NINL: variants seen among roughly 807,000 people sequenced by gnomAD.
NINL encodes the protein ninein-like protein.
In NINL, 153 loss-of-function variants were observed where a neutral mutation model predicts 160.3. That is an observed-to-expected ratio of 0.95 (90% CI 0.84 to 1.09). The LOEUF is 1.09. Ranked by LOEUF, NINL falls within the 50% of genes least tolerant of loss-of-function variation. NINL has a pLI of 0.00. For missense variants in NINL, 1,829 were observed against 1,764.0 expected, an observed-to-expected ratio of 1.04 and a Z score of -0.66; for synonymous variants, 800 against 734.8, an observed-to-expected ratio of 1.09 and a Z score of -1.43.
In NINL at chr20:25,504,803, G is replaced by C. The variant is rs1371990924; in HGVS notation, c.708+85C>G. ...AAGTGATGCACCTACATGAGTGGCT[G>C]AAGGGTAGAGGGGTTTCCAGACCCA... is the stretch of plus-strand genomic sequence containing the variant. On this transcript the variant is annotated intron_variant, in intron 6 of 23. Transcript: ENST00000278886. 7.2e-6 allele frequency: 10 copies of C among 1,395,160 alleles called. No individual in the cohort carries two copies. The Admixed American group carries it at 1.8e-4, about 25-fold the overall frequency. The allele number at this position is 1,395,160 out of a possible 1,614,324, so 86.4% of individuals were successfully genotyped here. A position where few individuals can be genotyped will look rare whatever the true frequency, so the allele number is the denominator to read the frequency against.
intron 13 of NINL, among the ~76,000 whole-genome samples, chr20:25,482,588 T>A (rs1055629432): frequency 8.6e-5 from 13 of 151,824 alleles, no homozygotes; most frequent in African/African-American, 2.9e-4. Flanking sequence ...TGGCCTCAAG[T>A]GATATACCCA....
At chr20:25,538,823 C>A (rs565049532) in intron 1 of NINL, among the ~76,000 whole-genome samples, 14 of 152,110 alleles carry the variant, frequency 9.2e-5, no homozygotes, top group African/African-American at 2.9e-4. Context: ...AAGCACAGAA[C>A]TGGGGAGCAC....
chr20:25,513,972 C>T (rs765142105), intron 3 of NINL, among the ~76,000 whole-genome samples: 5 of 152,160 alleles, frequency 3.3e-5, no homozygotes, highest in Non-Finnish European at 5.9e-5. Flanking sequence ...AGAAAATTGG[C>T]ACCAGGAGTG....
intron 1 of NINL, among the ~76,000 whole-genome samples, chr20:25,579,245 T>C (rs13040726): frequency 6.4e-4 from 98 of 152,008 alleles, no homozygotes; most frequent in African/African-American, 2.3e-3. Flanking sequence ...CATGTGACCC[T>C]GAGTATGTTA....
chr20:25,468,511 C>T (rs1404627804), intron 18 of NINL, among the ~76,000 whole-genome samples: 1 of 125,458 alleles, frequency 8.0e-6, no homozygotes, highest in African/African-American at 2.8e-5. Context: ...TCCCCCGACT[C>T]TCACTGGTTG....
At chr20:25,487,725 AT>A (rs1253537290) in intron 13 of NINL, among the ~76,000 whole-genome samples, 1 of 152,266 alleles carries the variant, frequency 6.6e-6, no homozygotes, top group African/African-American at 2.4e-5. Context: ...ACTTTTCTGT[AT>A]TGTTAATAAT....
In NINL at chr20:25,476,665, C is replaced by T; in HGVS notation, c.2626G>A (p.Gly876Arg). Residue 876 changes from glycine (G) to arginine (R), a missense_variant, in exon 17 of 24, where the codon GGG (glycine) becomes AGG (arginine). Gly to Arg is a moderately radical substitution (Grantham distance 125). Transcript: ENST00000278886. ...TCCTGGGCTTGCCTGCGGCGAGGCCCGGCTCCTGCCGCCTCCTCAGACTCT... is the reference window on the plus strand; with the variant it reads ...TCCTGGGCTTGCCTGCGGCGAGGCCTGGCTCCTGCCGCCTCCTCAGACTCT... ...GRESEEAAGA[G>R]PRRRQAQDTE... 1 of 1,586,726 alleles carries T rather than the reference C, an allele frequency of 6.3e-7. No homozygotes were observed.
At chr20:25,572,288 A>G (rs550275507) in intron 1 of NINL, among the ~76,000 whole-genome samples, 3 of 151,158 alleles carry the variant, frequency 2.0e-5, no homozygotes, top group Non-Finnish European at 3.0e-5. Context: ...GGTTGAGGGG[A>G]AAAAAAACGG....
chr20:25,464,661 T>C (rs755636988), intron 19 of NINL, among the ~76,000 whole-genome samples: 3 of 152,170 alleles, frequency 2.0e-5, no homozygotes, highest in Admixed American at 6.5e-5. Context: ...GCGGCTGCTG[T>C]GCAGCTACTG....
At chr20:25,458,195 G>C (rs897411689) in intron 22 of NINL, among the ~76,000 whole-genome samples, 188 bp downstream of exon 22, 1 of 152,208 alleles carries the variant, frequency 6.6e-6, no homozygotes, top group East Asian at 1.9e-4. Context: ...CCACCTGTGA[G>C]GCCTTGTCTG....
At chr20:25,545,769 T>G (rs952626771) in intron 1 of NINL, among the ~76,000 whole-genome samples, 19 of 152,214 alleles carry the variant, frequency 1.2e-4, no homozygotes, top group Non-Finnish European at 2.2e-4. Context: ...TGCCATATCT[T>G]GAAGTACTCC....
intron 10 of NINL, among the ~76,000 whole-genome samples, chr20:25,494,076 C>A (rs1174236848): frequency 1.3e-5 from 2 of 151,822 alleles, no homozygotes; most frequent in African/African-American, 4.8e-5. Flanking sequence ...TGCATGTACA[C>A]AGCACCCCCC....
At chr20:25,534,873 G>A (rs2064530054) in intron 1 of NINL, among the ~76,000 whole-genome samples, 1 of 152,132 alleles carries the variant, frequency 6.6e-6, no homozygotes. Context: ...TAATACCTAA[G>A]ACAAGGTAAA....
At chr20:25,489,676 T>C (rs956114287) in intron 12 of NINL, among the ~76,000 whole-genome samples, 199 bp downstream of exon 12, 2 of 152,146 alleles carry the variant, frequency 1.3e-5, no homozygotes, top group Non-Finnish European at 2.9e-5. Flanking sequence ...GCAGTTGTGC[T>C]GTGTGGGCAG....
intron 1 of NINL, among the ~76,000 whole-genome samples, chr20:25,574,908 T>C (rs1456488262): frequency 1.3e-5 from 2 of 152,090 alleles, no homozygotes; most frequent in African/African-American, 4.8e-5. Flanking sequence ...AAATTTGAGA[T>C]GCCACTAATT....
At chr20:25,510,422 T>C (rs1457221468) in intron 5 of NINL, among the ~76,000 whole-genome samples, 1 of 152,216 alleles carries the variant, frequency 6.6e-6, no homozygotes, top group Non-Finnish European at 1.5e-5. Context: ...CGAACCACGA[T>C]GCTCCCTCGG....
At chr20:25,545,480 C>T (rs1191867603) in intron 1 of NINL, among the ~76,000 whole-genome samples, 1 of 151,862 alleles carries the variant, frequency 6.6e-6, no homozygotes, top group Non-Finnish European at 1.5e-5. Context: ...TCTGAGCCCC[C>T]CCCCATTATC....
intron 1 of NINL, among the ~76,000 whole-genome samples, chr20:25,580,104 G>A (rs1250017096): frequency 1.3e-5 from 2 of 152,100 alleles, no homozygotes; most frequent in East Asian, 1.9e-4. Context: ...AGGCCGAGGC[G>A]GGTGGATCAC....
chr20:25,489,819 C>G (rs1031583556), intron 12 of NINL, 56 bp downstream of exon 12: 8 of 1,480,402 alleles, frequency 5.4e-6, no homozygotes, highest in Non-Finnish European at 7.6e-6. Flanking sequence ...CCGCCACCCC[C>G]ACTCTGCCCA....
Sources: gnomAD v4.1 joint callset for allele counts (sites outside exome capture counted in the v4.1 genomes callset) on GRCh38, gnomAD v4.1.1 for gene constraint, MANE v1.5 for transcripts, NCBI Gene and HGNC (gene_info 2026-07-23, HGNC 2026-07-21) for gene names.